The following CASK variants were observed in gnomAD, a reference collection of about 807,000 sequenced individuals.
The protein encoded by CASK is calcium/calmodulin dependent serine protein kinase, also known as peripheral plasma membrane protein CASK.
CASK carries 4 observed loss-of-function variants against 82.9 expected under a neutral mutation model. The ratio of observed to expected loss-of-function variants is 0.05; its 90% confidence interval spans 0.02 to 0.11. The LOEUF (loss-of-function observed/expected upper bound fraction) is 0.11, where lower values mean the gene tolerates loss of function less well. Ranked by LOEUF, CASK falls within the 10% of genes least tolerant of loss-of-function variation. The pLI, the probability that CASK is intolerant of heterozygous loss-of-function variation, is 1.00. For synonymous variants in CASK, 259 were observed against 253.5 expected (o/e 1.02, Z -0.20); for missense variants, 358 against 720.9 (o/e 0.50, Z 5.76).
At chrX:41,565,813 G>A (rs1298320090) in intron 16 of CASK, among the ~76,000 whole-genome samples, 3 of 111,743 alleles carry the variant, frequency 2.7e-5, no homozygotes, top group African/African-American at 9.8e-5. Flanking sequence ...TACCCCTGAT[G>A]AACATTGATA....
chrX:41,813,434 A>G (rs1216370159), intron 2 of CASK, among the ~76,000 whole-genome samples: 1 of 110,902 alleles, frequency 9.0e-6, no homozygotes, highest in African/African-American at 3.3e-5. Flanking sequence ...CAGAAATAAT[A>G]CCACACATCT....
chrX:41,524,248 G>T (rs2064680152), intron 25 of CASK: 1 of 407,573 alleles, frequency 2.5e-6, no homozygotes, highest in Non-Finnish European at 4.3e-6. Context: ...ATAAAAGTTG[G>T]CAAACTGGAC....
intron 5 of CASK, among the ~76,000 whole-genome samples, chrX:41,710,917 C>G (rs764324943): frequency 1.3e-4 from 15 of 111,863 alleles, no homozygotes; most frequent in Non-Finnish European, 2.1e-4. Context: ...GTGGAGTTTC[C>G]CAGATGGTGG....
At chrX:41,738,090 T>G (rs1054585619) in intron 5 of CASK, among the ~76,000 whole-genome samples, 1 of 113,188 alleles carries the variant, frequency 8.8e-6, no homozygotes, top group Non-Finnish European at 1.9e-5. Flanking sequence ...TTCTCCTGCC[T>G]CAGCCTCCCA....
intron 22 of CASK, among the ~76,000 whole-genome samples, chrX:41,541,899 AT>A (rs1037144090): frequency 3.6e-5 from 4 of 111,869 alleles, no homozygotes; most frequent in Non-Finnish European, 7.5e-5. Flanking sequence ...TTAAGAAGTT[AT>A]TGAAAATAAC....
At chrX:41,759,251 T>C (rs1345598419) in intron 3 of CASK, among the ~76,000 whole-genome samples, 10 of 111,753 alleles carry the variant, frequency 8.9e-5, no homozygotes, top group Non-Finnish European at 1.9e-4. Context: ...TGAATCTAAA[T>C]TGATTTCTGA....
chrX:41,548,373 T>C (rs1329882948), intron 21 of CASK, among the ~76,000 whole-genome samples: 1 of 112,132 alleles, frequency 8.9e-6, no homozygotes, highest in Non-Finnish European at 1.9e-5. Context: ...TACTGGTATG[T>C]AGTTTTCTTT....
intron 13 of CASK, chrX:41,587,955 CAGG>C (rs1326118947): frequency 8.9e-6 from 1 of 111,750 alleles, no homozygotes; most frequent in Non-Finnish European, 1.9e-5. Flanking sequence ...ACCATCCATC[CAGG>C]AGGACTCTCA....
intron 8 of CASK, among the ~76,000 whole-genome samples, chrX:41,653,768 G>T (rs1253980880): frequency 8.9e-6 from 1 of 112,616 alleles, no homozygotes; most frequent in African/African-American, 3.2e-5. Context: ...AAAATGGATT[G>T]TGAGAATAAC....
chrX:41,854,308 C>G (rs778967523), intron 1 of CASK, among the ~76,000 whole-genome samples: 6 of 106,716 alleles, frequency 5.6e-5, no homozygotes, highest in Non-Finnish European at 1.2e-4. Flanking sequence ...AAAGAAATAT[C>G]TGAACTCAGT....
chrX:41,684,012 C>T (rs148452137), intron 5 of CASK, among the ~76,000 whole-genome samples: 2,419 of 111,347 alleles, frequency 0.022, 46 homozygotes, highest in African/African-American at 0.055. Flanking sequence ...TAAACAAATA[C>T]ATGAATGGGG....
chrX:41,744,438 C>T (rs1004346485), intron 4 of CASK, among the ~76,000 whole-genome samples: 1 of 109,724 alleles, frequency 9.1e-6, no homozygotes, highest in Non-Finnish European at 1.9e-5. Flanking sequence ...CTCCGCCTCC[C>T]GGGTTCATGC....
intron 3 of CASK, among the ~76,000 whole-genome samples, chrX:41,777,702 T>C (rs1441536608): frequency 9.0e-6 from 1 of 111,265 alleles, no homozygotes; most frequent in Non-Finnish European, 1.9e-5. Context: ...ACTTGGGTTA[T>C]AGTTACATGG....
At chrX:41,565,629 G>A (rs1447382742) in intron 16 of CASK, among the ~76,000 whole-genome samples, 2 of 111,517 alleles carry the variant, frequency 1.8e-5, no homozygotes, top group Non-Finnish European at 3.8e-5. Context: ...AGGACCAGAC[G>A]GATTCACAGC....
chrX:41,566,725 GA>G (rs1198085266), intron 16 of CASK, among the ~76,000 whole-genome samples: 3 of 110,253 alleles, frequency 2.7e-5, no homozygotes, highest in Non-Finnish European at 3.8e-5. Context: ...CACAGAATTG[GA>G]AAAAAAACTA....
chrX:41,695,174 G>T (rs1329877967), intron 5 of CASK, among the ~76,000 whole-genome samples: 2 of 111,714 alleles, frequency 1.8e-5, no homozygotes, highest in East Asian at 5.6e-4. Context: ...CACAGGAAAG[G>T]TTAGAGCATG....
At chrX:41,778,161 T>C (rs1172577015) in intron 3 of CASK, among the ~76,000 whole-genome samples, 1 of 112,042 alleles carries the variant, frequency 8.9e-6, no homozygotes, top group Non-Finnish European at 1.9e-5. Flanking sequence ...TAAGACATTA[T>C]TTTTTGTCAA....
At chrX:41,851,092 A>T (rs773112196) in intron 2 of CASK, among the ~76,000 whole-genome samples, 1 of 112,143 alleles carries the variant, frequency 8.9e-6, no homozygotes, top group Non-Finnish European at 1.9e-5. Context: ...TTTCACTTGA[A>T]TACCACTAAA....
At chrX:41,870,851 A>G (rs894014414) in intron 1 of CASK, among the ~76,000 whole-genome samples, 1 of 112,302 alleles carries the variant, frequency 8.9e-6, no homozygotes, top group African/African-American at 3.2e-5. Context: ...CAGTAAGAAC[A>G]AAGCCTATAG....
Sources: allele counts gnomAD v4.1 joint callset (sites outside exome capture counted in the v4.1 genomes callset), GRCh38; gene constraint gnomAD v4.1.1; transcripts MANE v1.5; gene names NCBI Gene and HGNC (gene_info 2026-07-23, HGNC 2026-07-21).